ADCY1: variants seen among roughly 807,000 people sequenced by gnomAD.
The protein encoded by ADCY1 is adenylate cyclase type 1.
Under a neutral mutation model 105.4 loss-of-function variants are expected in ADCY1, and 28 were observed. The ratio of observed to expected loss-of-function variants is 0.27; its 90% CI spans 0.20 to 0.36. The LOEUF is 0.36. Among genes scored for constraint, ADCY1 ranks in the 10% least tolerant of loss-of-function variants. ADCY1 has a pLI of 1.00. For missense variants in ADCY1, 977 were observed against 1,434.2 expected (o/e 0.68, Z 5.15); for synonymous variants, 655 against 623.8 (o/e 1.05, Z -0.75).
rs191104713 is a variant in ADCY1, at chr7:45,626,159, A to G, written c.1020+3416A>G. On this transcript the variant is annotated intron_variant, in intron 4 of 19. Coordinates refer to ENST00000297323, the MANE Select transcript of ADCY1 (RefSeq NM_021116.4). The stretch of plus-strand genomic sequence containing the variant: ...GTATCGTTTCTGTTGCAGCAACTCA[A>G]CTCTGCTCTTGGAGCACAGAAGCAG... 8.1e-4 allele frequency among the ~76,000 whole-genome samples: 123 copies of G among 152,258 alleles called. 1 individual carries two copies. Among genetic ancestry groups the G allele is most frequent in the African/African-American group, 2.7e-3 (113 of 41,538 alleles).
At position 45,641,394 on chromosome 7, in the gene ADCY1, C is replaced by A. The variant is rs544301698; in HGVS notation, c.1021-7276C>A. 1.1e-4 allele frequency among the ~76,000 whole-genome samples: 16 copies of A among 152,330 alleles called. No homozygotes were observed. The South Asian group carries it at 3.3e-3, about 32-fold the overall frequency. On this transcript the variant is annotated intron_variant, in intron 4 of 19. Coordinates refer to ENST00000297323, the MANE Select transcript of ADCY1 (RefSeq NM_021116.4). The stretch of plus-strand genomic sequence containing the variant: ...CCACACTGGAGGCCTGAAGTGAATT[C>A]TCACCCGTAATGTAGCTCCAACAAT...
intron 17 of ADCY1, among the ~76,000 whole-genome samples, chr7:45,705,454 A>G (rs1785098007): frequency 6.6e-6 from 1 of 152,210 alleles, no homozygotes; most frequent in African/African-American, 2.4e-5. Context: ...TCAAATCAAC[A>G]GGATAAAGAA....
Position 45,580,370 on chromosome 7 carries a change from CAG to C in ADCY1, c.639+5189_639+5190del, listed in dbSNP as rs563791445. Among the ~76,000 whole-genome samples the C allele has an allele frequency of 3.9e-4, 59 of 152,322 alleles. No individual in the cohort carries two copies. The South Asian group carries it at 6.4e-3, about 17-fold the overall frequency. ...ACCGGAGAAGAGCTGGGAGCAGACACAGGGGTGGAGTCTGCAGCTGCCGGGGC... is the reference window on the plus strand; with the variant it reads ...ACCGGAGAAGAGCTGGGAGCAGACACGGGTGGAGTCTGCAGCTGCCGGGGC... On this transcript the variant is annotated intron_variant, in intron 1 of 19. Coordinates refer to ENST00000297323, the MANE Select transcript of ADCY1 (RefSeq NM_021116.4).
At chr7:45,658,930 A>G (rs1010032293) in intron 6 of ADCY1, among the ~76,000 whole-genome samples, 1 of 152,180 alleles carries the variant, frequency 6.6e-6, no homozygotes, top group Non-Finnish European at 1.5e-5. Context: ...ACACCCAGGG[A>G]GCATCCCAGC....
chr7:45,636,311 C>G (rs1794397435), intron 4 of ADCY1, among the ~76,000 whole-genome samples: 1 of 152,114 alleles, frequency 6.6e-6, no homozygotes, highest in African/African-American at 2.4e-5. Context: ...TAAGTCTTCT[C>G]TGGATTACTT....
At chr7:45,641,252 C>A (rs1383514211) in intron 4 of ADCY1, among the ~76,000 whole-genome samples, 1 of 152,150 alleles carries the variant, frequency 6.6e-6, no homozygotes, top group Non-Finnish European at 1.5e-5. Flanking sequence ...AAGGACTGCA[C>A]CCACGTCATC....
At chr7:45,667,892 A>G (rs1471588785) in intron 8 of ADCY1, among the ~76,000 whole-genome samples, 3 of 152,210 alleles carry the variant, frequency 2.0e-5, no homozygotes, top group African/African-American at 4.8e-5. Context: ...CTTTGAAGCA[A>G]TTGTGAATGG....
chr7:45,695,803 A>G (rs1355715416), intron 14 of ADCY1, among the ~76,000 whole-genome samples: 4 of 152,224 alleles, frequency 2.6e-5, no homozygotes, highest in East Asian at 3.8e-4. Flanking sequence ...GTGTGTCTCA[A>G]TGCCATGTTG....
intron 2 of ADCY1, among the ~76,000 whole-genome samples, chr7:45,596,513 C>T (rs532842306): frequency 1.3e-5 from 2 of 152,160 alleles, no homozygotes; most frequent in East Asian, 1.9e-4. Context: ...ACCTTGGTTT[C>T]GGGATGGGAT....
At chr7:45,681,916 C>T (rs1359231592) in intron 11 of ADCY1, among the ~76,000 whole-genome samples, 1 of 152,176 alleles carries the variant, frequency 6.6e-6, no homozygotes, top group Admixed American at 6.5e-5. Flanking sequence ...TTGACAGTGT[C>T]CAGAGCCAGG....
At chr7:45,621,491 A>G (rs1213966666) in intron 3 of ADCY1, among the ~76,000 whole-genome samples, 1 of 152,222 alleles carries the variant, frequency 6.6e-6, no homozygotes, top group African/African-American at 2.4e-5. Context: ...ATTATTATAA[A>G]TGATTGTGAA....
At chr7:45,605,373 A>G (rs1234481431) in intron 2 of ADCY1, among the ~76,000 whole-genome samples, 1 of 152,152 alleles carries the variant, frequency 6.6e-6, no homozygotes. Context: ...GATGATGAAT[A>G]TGAGTAATGG....
At chr7:45,629,267 A>G (rs1794160695) in intron 4 of ADCY1, among the ~76,000 whole-genome samples, 1 of 152,134 alleles carries the variant, frequency 6.6e-6, no homozygotes, top group South Asian at 2.1e-4. Context: ...GATTCAACCA[A>G]CTTGTTGCAT....
At chr7:45,674,871 T>G (rs1314313581) in intron 8 of ADCY1, among the ~76,000 whole-genome samples, 1 of 152,330 alleles carries the variant, frequency 6.6e-6, no homozygotes, top group South Asian at 2.1e-4. Flanking sequence ...CTACTTTCTT[T>G]AGATTAAAGT....
chr7:45,660,403 G>A lies in ADCY1; in HGVS notation c.1449+220G>A, dbSNP rs1795062527. Among the ~76,000 whole-genome samples the A allele has an allele frequency of 2.0e-5, 3 of 152,220 alleles. 1 individual carries two copies. The South Asian group carries it at 6.2e-4, about 31-fold the overall frequency. ...AAGGGAGCCAGAACCCCTAGTCAGA[G>A]ATCTGGGATCACCTCGGGGCAGGCC... On this transcript the variant is annotated intron_variant, in intron 7 of 19. Coordinates refer to ENST00000297323, the MANE Select transcript of ADCY1 (RefSeq NM_021116.4).
Position 45,581,749 on chromosome 7 carries a change from A to G in ADCY1, c.639+6567A>G, listed in dbSNP as rs534616817. 8.7e-4 allele frequency among the ~76,000 whole-genome samples: 133 copies of G among 152,300 alleles called. 1 individual carries two copies. The Middle Eastern group carries it at 0.024, about 27-fold the overall frequency. ...TAGGAAGAGACCTTTCCTGCTCTCC[A>G]TTTGAGCATATGAGTTATATCCATC... On this transcript the variant is annotated intron_variant, in intron 1 of 19. Transcript: ENST00000297323.
intron 5 of ADCY1, among the ~76,000 whole-genome samples, chr7:45,655,869 A>G (rs10268339): frequency 0.15 from 23,271 of 152,044 alleles, 2,323 homozygotes; most frequent in Non-Finnish European, 0.21. Flanking sequence ...TTAGTATGTT[A>G]TGTTATTTAC....
At chr7:45,582,368 A>G (rs1792577549) in intron 1 of ADCY1, among the ~76,000 whole-genome samples, 1 of 152,240 alleles carries the variant, frequency 6.6e-6, no homozygotes, top group African/African-American at 2.4e-5. Context: ...TGGCTTGTGA[A>G]GGGAAGCCAG....
chr7:45,712,099 A>G (rs1191166230), intron 19 of ADCY1, among the ~76,000 whole-genome samples: 1 of 133,468 alleles, frequency 7.5e-6, no homozygotes, highest in African/African-American at 2.8e-5. Context: ...AATATATTTT[A>G]TAATTTTATA....
Sources: gnomAD v4.1 joint callset for allele counts (sites outside exome capture counted in the v4.1 genomes callset) on GRCh38, gnomAD v4.1.1 for gene constraint, MANE v1.5 for transcripts, NCBI Gene and HGNC (gene_info 2026-07-23, HGNC 2026-07-21) for gene names.